Variants in SORCS1 observed in about 807,000 individuals in gnomAD.
SORCS1 encodes sortilin related VPS10 domain containing receptor 1.
A neutral mutation model predicts 146.1 loss-of-function variants in SORCS1; 60 were observed. The ratio of observed to expected loss-of-function variants is 0.41; its 90% CI spans 0.33 to 0.51. The LOEUF is 0.51. SORCS1 is among the 20% of genes least tolerant of loss of function. The pLI is 0.21. For synonymous variants in SORCS1, 637 were observed against 584.0 expected, an observed-to-expected ratio of 1.09 and a Z score of -1.31; for missense variants, 1,352 against 1,487.6, an observed-to-expected ratio of 0.91 and a Z score of 1.50.
chr10:106,702,207 T>A (rs1169401995), intron 8 of SORCS1, among the ~76,000 whole-genome samples: 2 of 152,178 alleles, frequency 1.3e-5, no homozygotes, highest in African/African-American at 4.8e-5. Context: ...TGGCTCCCCA[T>A]CCTATAGGGT....
intron 3 of SORCS1, among the ~76,000 whole-genome samples, chr10:106,826,644 C>G (rs779618645): frequency 2.4e-4 from 36 of 152,198 alleles, no homozygotes; most frequent in Admixed American, 6.5e-4. Context: ...CACAAATATA[C>G]TGCGATGTCA....
chr10:107,000,587 C>T (rs1457325983), intron 1 of SORCS1, among the ~76,000 whole-genome samples: 4 of 141,042 alleles, frequency 2.8e-5, no homozygotes, highest in Non-Finnish European at 6.0e-5. Flanking sequence ...AGCCTGGCGA[C>T]AGAGCAGGAC....
chr10:106,593,553 T>C (rs1390482613), intron 24 of SORCS1, among the ~76,000 whole-genome samples: 1 of 152,232 alleles, frequency 6.6e-6, no homozygotes, highest in African/African-American at 2.4e-5. Flanking sequence ...TGTTTACTTA[T>C]CAAACTGGAG....
rs529656101 is a variant in SORCS1 at position 107,077,461 on chromosome 10, GT to G, written c.558+86507del. Among the ~76,000 whole-genome samples the G allele has an allele frequency of 1.6e-3, 227 of 145,470 alleles. 1 individual carries two copies. Among genetic ancestry groups the G allele is most frequent in the Middle Eastern group, 3.6e-3 (1 of 280 alleles). On this transcript the variant is annotated intron_variant, in intron 1 of 25. Transcript: ENST00000263054. ...AAATGTAAAGGCATAATTTTTCTGT[GT>G]TTTTTTTTTAGATGTTTACATAGAA...
At chr10:106,614,857 C>T (rs2133444741) in intron 21 of SORCS1, among the ~76,000 whole-genome samples, 1 of 152,256 alleles carries the variant, frequency 6.6e-6, no homozygotes, top group East Asian at 1.9e-4. Context: ...ATATTTTTTG[C>T]AGCTGTTGAG....
chr10:106,965,480 G>A (rs1472261380), intron 1 of SORCS1, among the ~76,000 whole-genome samples: 2 of 152,128 alleles, frequency 1.3e-5, no homozygotes, highest in Non-Finnish European at 2.9e-5. Context: ...ATACTAGGGT[G>A]TACCACTGTG....
intron 1 of SORCS1, among the ~76,000 whole-genome samples, chr10:107,003,946 A>C (rs1298076892): frequency 5.9e-5 from 9 of 151,926 alleles, no homozygotes; most frequent in Non-Finnish European, 1.2e-4. Context: ...GAGGCCGAGG[A>C]GGGTGGATCA....
In SORCS1 at chr10:106,789,726, A is replaced by T. The variant is rs1268155295; in HGVS notation, c.727-13034T>A. The stretch of plus-strand genomic sequence containing the variant: ...CTTCTGATCCCTCCAAACTGTTCTA[A>T]CCTCTGCCTGTTATGCAGTTTCAAT... On this transcript the variant is annotated intron_variant, in intron 3 of 25. Transcript: ENST00000263054. Among the ~76,000 whole-genome samples, 3 of 151,988 alleles carry T rather than the reference A, an allele frequency of 2.0e-5. No homozygotes were observed. The East Asian group carries it at 5.8e-4, about 29-fold the overall frequency.
At chr10:106,911,698 G>A (rs747706791) in intron 2 of SORCS1, among the ~76,000 whole-genome samples, 1 of 152,146 alleles carries the variant, frequency 6.6e-6, no homozygotes, top group Non-Finnish European at 1.5e-5. Context: ...CTCAACCCTG[G>A]TTGTCCATTA....
intron 5 of SORCS1, among the ~76,000 whole-genome samples, chr10:106,730,947 TC>T (rs1255720431): frequency 6.6e-6 from 1 of 152,044 alleles, no homozygotes; most frequent in African/African-American, 2.4e-5. Context: ...TCCAAACTGG[TC>T]CCTCTGCCTG....
At chr10:106,756,686 G>T (rs1401732360) in intron 5 of SORCS1, among the ~76,000 whole-genome samples, 2 of 152,128 alleles carry the variant, frequency 1.3e-5, no homozygotes, top group Non-Finnish European at 2.9e-5. Context: ...GGTTGCTATG[G>T]TAGTATTAAT....
chr10:107,036,592 T>C (rs1958917776), intron 1 of SORCS1, among the ~76,000 whole-genome samples: 1 of 152,214 alleles, frequency 6.6e-6, no homozygotes, highest in Non-Finnish European at 1.5e-5. Context: ...TTTGGGTTGA[T>C]TGGCCCAAAG....
chr10:106,953,576 A>G (rs1954803857), intron 2 of SORCS1, among the ~76,000 whole-genome samples: 1 of 152,092 alleles, frequency 6.6e-6, no homozygotes, highest in African/African-American at 2.4e-5. Flanking sequence ...ATTCGGAGAA[A>G]CATGACCTTA....
chr10:107,032,660 G>C (rs1958714566), intron 1 of SORCS1, among the ~76,000 whole-genome samples: 1 of 152,184 alleles, frequency 6.6e-6, no homozygotes, highest in Non-Finnish European at 1.5e-5. Context: ...GATGTCTCCA[G>C]AAAAGAGGGG....
At chr10:106,679,507 T>C (rs1852282559) in intron 11 of SORCS1, 125 bp downstream of exon 11, 1 of 1,025,230 alleles carries the variant, frequency 9.8e-7, no homozygotes, top group Non-Finnish European at 1.4e-6. Flanking sequence ...AAATTATTTT[T>C]AGCTTGCTCA....
intron 5 of SORCS1, among the ~76,000 whole-genome samples, chr10:106,754,264 T>C (rs1184744057): frequency 1.3e-5 from 2 of 152,168 alleles, no homozygotes; most frequent in African/African-American, 2.4e-5. Context: ...ATTGGGAAGA[T>C]AGAAGCTTCT....
At chr10:106,807,708 T>C (rs1947257605) in intron 3 of SORCS1, among the ~76,000 whole-genome samples, 2 of 152,246 alleles carry the variant, frequency 1.3e-5, no homozygotes, top group Admixed American at 6.5e-5. Flanking sequence ...CCTCTTCCCA[T>C]GCAGTCTTCT....
intron 3 of SORCS1, among the ~76,000 whole-genome samples, chr10:106,798,767 C>T (rs1215254119): frequency 3.9e-5 from 6 of 152,176 alleles, no homozygotes; most frequent in Non-Finnish European, 8.8e-5. Context: ...TGTGTCTTTA[C>T]AGCAGCATGA....
At chr10:106,892,488 T>A (rs1488231903) in intron 2 of SORCS1, among the ~76,000 whole-genome samples, 2 of 152,228 alleles carry the variant, frequency 1.3e-5, no homozygotes, top group African/African-American at 2.4e-5. Context: ...CTTACCAAAC[T>A]TTTTTCACAG....
Sources: gnomAD v4.1 joint callset for allele counts (sites outside exome capture counted in the v4.1 genomes callset) on GRCh38, gnomAD v4.1.1 for gene constraint, MANE v1.5 for transcripts, NCBI Gene and HGNC (gene_info 2026-07-23, HGNC 2026-07-21) for gene names.